The following BCAR3 variants were observed in gnomAD, a reference collection of about 807,000 sequenced individuals.
BCAR3 encodes the protein BCAR3 adaptor protein, NSP family member, also known as breast cancer anti-estrogen resistance protein 3.
BCAR3 carries 37 observed loss-of-function variants against 80.1 expected under a neutral mutation model. The ratio of observed to expected loss-of-function variants is 0.46; its 90% CI spans 0.36 to 0.61. The LOEUF (loss-of-function observed/expected upper bound fraction) is 0.61, where lower values mean the gene tolerates loss of function less well. Among genes scored for constraint, BCAR3 ranks in the 20% least tolerant of loss-of-function variants. The probability of loss-of-function intolerance (pLI) is 0.00; values close to 1 mark genes in which losing one functional copy is unlikely to be tolerated. For synonymous variants in BCAR3, 389 were observed against 418.9 expected, an observed-to-expected ratio of 0.93 and a Z score of 0.87; for missense variants, 978 against 1,068.2, an observed-to-expected ratio of 0.92 and a Z score of 1.18.
intron 3 of BCAR3, among the ~76,000 whole-genome samples, chr1:93,687,560 G>A (rs941654078): frequency 2.0e-5 from 3 of 152,136 alleles, no homozygotes; most frequent in Non-Finnish European, 4.4e-5. Flanking sequence ...ACCCACCCCA[G>A]CCTCCCAAAG....
At chr1:93,567,131 G>A (rs1672983789) in intron 11 of BCAR3, 148 bp downstream of exon 11, 2 of 952,406 alleles carry the variant, frequency 2.1e-6, no homozygotes, top group East Asian at 2.6e-5. Context: ...TTAAGAGGAA[G>A]TAATAACTAG....
At chr1:93,583,923 C>A in intron 6 of BCAR3, 95 bp downstream of exon 6, 2 of 1,248,508 alleles carry the variant, frequency 1.6e-6, no homozygotes, top group South Asian at 2.7e-5. Context: ...GGCCTTGTGT[C>A]GTTTTCGAAT....
intron 2 of BCAR3, among the ~76,000 whole-genome samples, chr1:93,844,542 T>G (rs1655074155): frequency 6.6e-6 from 1 of 152,130 alleles, no homozygotes; most frequent in Admixed American, 6.5e-5. Flanking sequence ...TTCAGCCAGA[T>G]TAGATAAGGG....
Position 93,582,317 on chromosome 1 carries a change from A to G in BCAR3, c.1670T>C (p.Leu557Pro), listed in dbSNP as rs781225763. Reference sequence around the variant, plus strand: ...AGCGCTTACCCTGCAGTCCATGCTCAGTACGTGCTGGGCGATGACCTTGGG... The same window carrying G: ...AGCGCTTACCCTGCAGTCCATGCTCGGTACGTGCTGGGCGATGACCTTGGG... ...NDPKVIAQHV[L>P]SMDCRVARIL... Residue 557 changes from leucine (L) to proline (P), a missense_variant, in exon 7 of 12, where the codon CTG becomes CCG. Transcript: ENST00000260502. The G allele has an allele frequency of 6.2e-7, 1 of 1,614,012 alleles. No individual in the cohort carries two copies. The highest frequency in any genetic ancestry group is 8.5e-7 in the Non-Finnish European group (1 of 1,179,870).
At chr1:93,771,859 A>G (rs188988228) in intron 2 of BCAR3, among the ~76,000 whole-genome samples, 49 of 152,284 alleles carry the variant, frequency 3.2e-4, no homozygotes, top group African/African-American at 1.2e-3. Flanking sequence ...ATGTACCCAA[A>G]TATAGCACAT....
rs374997580 is a variant in BCAR3, at chr1:93,714,408, T to C, written c.-62-8266A>G. On this transcript the variant is annotated intron_variant, in intron 2 of 13. Coordinates refer to the BCAR3 transcript ENST00000370244. ...TATTGACTACTGTGTTCTTGGCCCC[T>C]AGAACACTGCCTGGCACATAGTGGG... 1.6e-3 allele frequency among the ~76,000 whole-genome samples: 246 copies of C among 152,308 alleles called. 1 individual carries two copies. The highest frequency in any genetic ancestry group is 5.7e-3 in the African/African-American group (236 of 41,574).
rs749481360 is a variant in BCAR3, at chr1:93,567,272, C to T, written c.2299+7G>A. 6.2e-7 allele frequency: 1 copy of T among 1,613,496 alleles called. No individual in the cohort carries two copies. Reference sequence around the variant, plus strand: ...TTAGAGAACAGCTTACAAAACCCATCTCTTACCTGCCAGGATCCTCTCAGC... The same window carrying T: ...TTAGAGAACAGCTTACAAAACCCATTTCTTACCTGCCAGGATCCTCTCAGC... On this transcript the variant is annotated splice_region_variant and intron_variant, in intron 11 of 11. Coordinates refer to ENST00000260502, the MANE Select transcript of BCAR3 (RefSeq NM_003567.4).
chr1:93,761,536 C>T (rs1297594276), intron 2 of BCAR3, among the ~76,000 whole-genome samples: 4 of 152,196 alleles, frequency 2.6e-5, no homozygotes, highest in African/African-American at 9.7e-5. Flanking sequence ...TCTTTGTTTT[C>T]ACCATGAGAG....
At position 93,678,918 on chromosome 1, in the gene BCAR3, C is replaced by T. The variant is rs951628271; in HGVS notation, c.-12+2680G>A. On this transcript the variant is annotated intron_variant, in intron 1 of 11. Transcript: ENST00000260502. ...GAGACTAAACCCAAGTCTCCAGCCTCTGGCTCCCATGTTTTCTCCACTTGG... is the reference window on the plus strand; with the variant it reads ...GAGACTAAACCCAAGTCTCCAGCCTTTGGCTCCCATGTTTTCTCCACTTGG... 2.0e-5 allele frequency among the ~76,000 whole-genome samples: 3 copies of T among 152,342 alleles called. No individual in the cohort carries two copies. In the East Asian group the frequency reaches 5.8e-4, roughly 29 times the overall value.
intron 2 of BCAR3, among the ~76,000 whole-genome samples, chr1:93,817,246 G>T (rs919759221): frequency 6.6e-6 from 1 of 152,248 alleles, no homozygotes; most frequent in Non-Finnish European, 1.5e-5. Flanking sequence ...ATGGGCCACT[G>T]GGCATCAAAG....
chr1:93,630,652 A>G (rs1442995843), intron 3 of BCAR3, among the ~76,000 whole-genome samples: 1 of 152,172 alleles, frequency 6.6e-6, no homozygotes, highest in Non-Finnish European at 1.5e-5. Flanking sequence ...TAAAATAAAT[A>G]AAATTTGGGA....
chr1:93,590,167 G>A (rs1176479832), intron 4 of BCAR3: 2 of 152,208 alleles, frequency 1.3e-5, no homozygotes, highest in East Asian at 3.9e-4. Flanking sequence ...TCAGGGTTAT[G>A]TATTTGTATA....
intron 3 of BCAR3, among the ~76,000 whole-genome samples, chr1:93,689,612 G>A (rs952636553): frequency 1.3e-5 from 2 of 152,008 alleles, no homozygotes; most frequent in East Asian, 3.9e-4. Flanking sequence ...GGAGTTGTAG[G>A]GGGGCAGGGA....
chr1:93,778,163 C>A (rs6691888), intron 2 of BCAR3, among the ~76,000 whole-genome samples: 14,841 of 152,104 alleles, frequency 0.098, 920 homozygotes, highest in East Asian at 0.19. Flanking sequence ...CTGAAATAAA[C>A]CCTGGTTCCA....
At chr1:93,717,669 A>G (rs1239548002) in intron 2 of BCAR3, among the ~76,000 whole-genome samples, 6 of 150,084 alleles carry the variant, frequency 4.0e-5, no homozygotes, top group African/African-American at 1.2e-4. Flanking sequence ...TGGAGGTTGC[A>G]GTGAGCCGAG....
intron 2 of BCAR3, among the ~76,000 whole-genome samples, chr1:93,728,927 C>T (rs1429336063): frequency 6.6e-6 from 1 of 152,080 alleles, no homozygotes; most frequent in Non-Finnish European, 1.5e-5. Context: ...TCACTTAGGT[C>T]CGTGGGGGTG....
chr1:93,788,919 G>A (rs1653042196), intron 2 of BCAR3, among the ~76,000 whole-genome samples: 1 of 152,150 alleles, frequency 6.6e-6, no homozygotes, highest in South Asian at 2.1e-4. Flanking sequence ...GTTAGAGAAT[G>A]TGTGATTTTA....
At position 93,677,952 on chromosome 1, in the gene BCAR3, A is replaced by G. The variant is rs183000628; in HGVS notation, c.-11-3011T>C. On this transcript the variant is annotated intron_variant, in intron 1 of 11. Coordinates refer to ENST00000260502, the MANE Select transcript of BCAR3 (RefSeq NM_003567.4). ...GCTGTGAAGTACCTCTTAAACTGTC[A>G]GGAATCATACAATACCCATGAATTA... 3.3e-5 allele frequency among the ~76,000 whole-genome samples: 5 copies of G among 152,340 alleles called. No homozygotes were observed. The East Asian group carries it at 9.6e-4, about 29-fold the overall frequency.
At chr1:93,834,306 C>T (rs1654685000) in intron 2 of BCAR3, among the ~76,000 whole-genome samples, 1 of 152,182 alleles carries the variant, frequency 6.6e-6, no homozygotes, top group Admixed American at 6.5e-5. Context: ...AATTGTCTTG[C>T]CTATCCACCC....
Sources: allele counts gnomAD v4.1 joint callset (sites outside exome capture counted in the v4.1 genomes callset), GRCh38; gene constraint gnomAD v4.1.1; transcripts MANE v1.5; gene names NCBI Gene and HGNC (gene_info 2026-07-23, HGNC 2026-07-21).